The following SLC14A2 variants were observed in gnomAD, a reference collection of about 807,000 sequenced individuals.
SLC14A2 encodes the protein solute carrier family 14 member 2.
A neutral mutation model predicts 104.6 loss-of-function variants in SLC14A2; 91 were observed. The ratio of observed to expected loss-of-function variants is 0.87; its 90% CI spans 0.73 to 1.04. The LOEUF (loss-of-function observed/expected upper bound fraction) is 1.04, where lower values mean the gene tolerates loss of function less well. Among genes scored for constraint, SLC14A2 ranks in the 50% least tolerant of loss-of-function variants. The pLI is 0.00. For synonymous variants in SLC14A2, 476 were observed against 466.4 expected (o/e 1.02, Z -0.27); for missense variants, 1,189 against 1,156.0 (o/e 1.03, Z -0.41).
intron 1 of SLC14A2, among the ~76,000 whole-genome samples, chr18:45,327,122 C>G (rs1476757361): frequency 1.3e-5 from 2 of 152,212 alleles, no homozygotes; most frequent in South Asian, 4.1e-4. Context: ...TTACCTAGCT[C>G]TCCTCTTAAC....
chr18:45,268,655 G>A (rs758503848), intron 1 of SLC14A2, among the ~76,000 whole-genome samples: 21 of 152,180 alleles, frequency 1.4e-4, no homozygotes, highest in Non-Finnish European at 2.8e-4. Flanking sequence ...ATTATGAACA[G>A]CTATGGTCTT....
chr18:45,668,687 T>A (rs2046076509), intron 15 of SLC14A2, among the ~76,000 whole-genome samples: 1 of 152,250 alleles, frequency 6.6e-6, no homozygotes, highest in African/African-American at 2.4e-5. Context: ...CCACCCTTTA[T>A]TATTCTTTTA....
chr18:45,216,293 C>A (rs2084009847), intron 1 of SLC14A2, among the ~76,000 whole-genome samples: 1 of 152,140 alleles, frequency 6.6e-6, no homozygotes, highest in Non-Finnish European at 1.5e-5. Context: ...ACAAGAAGCA[C>A]CTCTGTGTCC....
Position 45,276,549 on chromosome 18 carries a change from G to T in SLC14A2, c.-125+63358G>T, listed in dbSNP as rs1599636146. On this transcript the variant is annotated intron_variant, in intron 1 of 20. Coordinates refer to the SLC14A2 transcript ENST00000586448. ...GTGTGGTGTGTTCAGGAACATCATT[G>T]ATATCTGATAGAAAAAGCCTGCAAT... Among the ~76,000 whole-genome samples the T allele has an allele frequency of 2.0e-5, 3 of 152,270 alleles. No homozygotes were observed. The East Asian group carries it at 5.8e-4, about 29-fold the overall frequency.
chr18:45,373,127 CT>C (rs1243952176), intron 1 of SLC14A2, among the ~76,000 whole-genome samples: 1 of 152,168 alleles, frequency 6.6e-6, no homozygotes, highest in African/African-American at 2.4e-5. Flanking sequence ...AGACCAGCTC[CT>C]CCATAAGAAC....
chr18:45,624,116 G>A (rs981407344), intron 1 of SLC14A2, among the ~76,000 whole-genome samples: 2 of 152,152 alleles, frequency 1.3e-5, no homozygotes, highest in African/African-American at 4.8e-5. Context: ...GCTTCCTACT[G>A]TTCCTAGGGA....
chr18:45,471,235 T>C (rs931318510), intron 1 of SLC14A2, among the ~76,000 whole-genome samples: 1 of 152,228 alleles, frequency 6.6e-6, no homozygotes, highest in African/African-American at 2.4e-5. Flanking sequence ...AAGCATCATG[T>C]TGCTATGGAA....
chr18:45,242,679 C>G (rs1226311732), intron 1 of SLC14A2, among the ~76,000 whole-genome samples: 1 of 152,070 alleles, frequency 6.6e-6, no homozygotes, highest in Non-Finnish European at 1.5e-5. Context: ...TCTTAAGCAC[C>G]GTATCTAAAA....
At chr18:45,595,125 A>G (rs985305556) in intron 2 of SLC14A2, among the ~76,000 whole-genome samples, 1 of 152,122 alleles carries the variant, frequency 6.6e-6, no homozygotes, top group East Asian at 1.9e-4. Context: ...TCCTTGCACA[A>G]CTGCCTTTTA....
At chr18:45,576,866 A>G (rs1014427640) in intron 2 of SLC14A2, among the ~76,000 whole-genome samples, 2 of 152,162 alleles carry the variant, frequency 1.3e-5, no homozygotes, top group African/African-American at 4.8e-5. Context: ...CACAGGCACC[A>G]GGGTTGTGGG....
At chr18:45,356,341 C>T (rs9948250) in intron 1 of SLC14A2, among the ~76,000 whole-genome samples, 3,546 of 152,246 alleles carry the variant, frequency 0.023, 126 homozygotes, top group African/African-American at 0.079. Flanking sequence ...ACTATTATGA[C>T]TATGATTTTT....
chr18:45,445,389 C>T (rs560708355), intron 1 of SLC14A2, among the ~76,000 whole-genome samples: 6 of 152,232 alleles, frequency 3.9e-5, no homozygotes, highest in African/African-American at 1.4e-4. Context: ...GGATTACAGG[C>T]GTGAGCCACC....
chr18:45,316,687 G>A (rs889864798), intron 1 of SLC14A2, among the ~76,000 whole-genome samples: 1 of 152,174 alleles, frequency 6.6e-6, no homozygotes, highest in Non-Finnish European at 1.5e-5. Flanking sequence ...TACTCTGGGT[G>A]CTCTGGCCTT....
chr18:45,547,972 A>G (rs1035077860), intron 2 of SLC14A2, among the ~76,000 whole-genome samples: 1 of 152,182 alleles, frequency 6.6e-6, no homozygotes, highest in Non-Finnish European at 1.5e-5. Context: ...AATGGGTTCA[A>G]ATAGGACTTT....
intron 1 of SLC14A2, among the ~76,000 whole-genome samples, chr18:45,256,352 T>G (rs2084478331): frequency 6.6e-6 from 1 of 152,292 alleles, no homozygotes; most frequent in African/African-American, 2.4e-5. Flanking sequence ...GTTGACATCA[T>G]CTTCATTTCA....
intron 1 of SLC14A2, among the ~76,000 whole-genome samples, chr18:45,351,408 T>C (rs2144307219): frequency 6.6e-6 from 1 of 152,282 alleles, no homozygotes. Flanking sequence ...CAACTGGTGT[T>C]CAGTGGTGTG....
At chr18:45,572,040 A>AT (rs568241326) in intron 2 of SLC14A2, among the ~76,000 whole-genome samples, 12 of 152,208 alleles carry the variant, frequency 7.9e-5, no homozygotes, top group Middle Eastern at 3.4e-3. Flanking sequence ...CCAGATATGG[A>AT]TTTTTTTAAA....
intron 1 of SLC14A2, among the ~76,000 whole-genome samples, chr18:45,283,308 A>C (rs990952899): frequency 7.1e-6 from 1 of 141,794 alleles, no homozygotes; most frequent in Non-Finnish European, 1.5e-5. Context: ...AAAATGCTGC[A>C]GTCACTAGCA....
intron 1 of SLC14A2, among the ~76,000 whole-genome samples, chr18:45,304,747 G>A (rs977155748): frequency 6.6e-6 from 1 of 152,152 alleles, no homozygotes; most frequent in African/African-American, 2.4e-5. Context: ...CTACCCCAGG[G>A]ACCCTGAGAT....
Sources: allele counts gnomAD v4.1 joint callset (sites outside exome capture counted in the v4.1 genomes callset), GRCh38; gene constraint gnomAD v4.1.1; transcripts MANE v1.5; gene names NCBI Gene and HGNC (gene_info 2026-07-23, HGNC 2026-07-21).